MAGEA11: variants seen among roughly 807,000 people sequenced by gnomAD.
MAGEA11 encodes melanoma-associated antigen 11.
Under a neutral mutation model 8.4 loss-of-function variants are expected in MAGEA11, and 1 was observed. The observed-to-expected ratio is 0.12, with a 90% CI of 0.04 to 0.57. MAGEA11 has a LOEUF of 0.57. MAGEA11 is among the 20% of genes least tolerant of loss of function. The pLI, the probability that MAGEA11 is intolerant of heterozygous loss-of-function variation, is 0.91. For synonymous variants in MAGEA11, 127 were observed against 119.3 expected (o/e 1.06, Z -0.42); for missense variants, 209 against 317.3 (o/e 0.66, Z 2.59).
upstream of MAGEA11, among the ~76,000 whole-genome samples, chrX:149,711,252 A>G (rs1197027443): frequency 2.7e-5 from 3 of 112,787 alleles, no homozygotes; most frequent in African/African-American, 9.7e-5. Flanking sequence ...TAGGTTAAGT[A>G]TGATTTTTGA....
intron 1 of MAGEA11, among the ~76,000 whole-genome samples, chrX:149,705,745 G>A: frequency 8.9e-6 from 1 of 111,749 alleles, no homozygotes; most frequent in South Asian, 3.8e-4. Flanking sequence ...ATGGGCACAG[G>A]AAGGCCCCCA....
At chrX:149,703,948 C>G (rs1324838445) in intron 1 of MAGEA11, among the ~76,000 whole-genome samples, 1 of 112,112 alleles carries the variant, frequency 8.9e-6, no homozygotes, top group African/African-American at 3.2e-5. Context: ...ATAAAGGATA[C>G]TTGATGTATG....
upstream of MAGEA11, among the ~76,000 whole-genome samples, chrX:149,710,771 C>T (rs1053668467): frequency 1.8e-5 from 2 of 109,725 alleles, no homozygotes; most frequent in Non-Finnish European, 3.8e-5. Flanking sequence ...TGAACCACCG[C>T]GTTCAGTCTT....
chrX:149,704,718 C>T (rs7065028), intron 1 of MAGEA11, among the ~76,000 whole-genome samples: 2,492 of 112,073 alleles, frequency 0.022, 73 homozygotes, highest in African/African-American at 0.077. Flanking sequence ...TATCAGAAGT[C>T]CAGTCTTCCA....
upstream of MAGEA11, among the ~76,000 whole-genome samples, chrX:149,708,883 G>C (rs1370110852): frequency 9.1e-6 from 1 of 110,093 alleles, no homozygotes; most frequent in Non-Finnish European, 1.9e-5. Context: ...AGTATATTGG[G>C]TATATTATAC....
intron 1 of MAGEA11, among the ~76,000 whole-genome samples, chrX:149,701,283 T>C (rs782201000): frequency 0.042 from 4,380 of 104,807 alleles, 230 homozygotes; most frequent in African/African-American, 0.14. Context: ...TGGTATCTCA[T>C]TGTGGTTTTG....
At chrX:149,706,453 G>T (rs1199936956) in intron 1 of MAGEA11, among the ~76,000 whole-genome samples, 1 of 111,968 alleles carries the variant, frequency 8.9e-6, no homozygotes, top group South Asian at 3.8e-4. Flanking sequence ...TTTAATTAAT[G>T]TGTGGGCATT....
chrX:149,708,807 G>A (rs932032224), upstream of MAGEA11, among the ~76,000 whole-genome samples: 4 of 111,216 alleles, frequency 3.6e-5, no homozygotes, highest in Non-Finnish European at 5.7e-5. Flanking sequence ...TTGAGACGTG[G>A]GGTAGGTAGA....
At chrX:149,705,838 G>C (rs1019561070) in intron 1 of MAGEA11, among the ~76,000 whole-genome samples, 1 of 112,049 alleles carries the variant, frequency 8.9e-6, no homozygotes, top group African/African-American at 3.3e-5. Flanking sequence ...GGATATGCTA[G>C]ACCCTGGAAA....
chrX:149,704,266 A>C (rs1444444009), intron 1 of MAGEA11, among the ~76,000 whole-genome samples: 1 of 112,326 alleles, frequency 8.9e-6, no homozygotes, highest in Non-Finnish European at 1.9e-5. Flanking sequence ...AAGTTTCTGC[A>C]TTGAGAGCTC....
intron 1 of MAGEA11, among the ~76,000 whole-genome samples, chrX:149,703,088 C>G (rs782655951): frequency 1.8e-5 from 2 of 111,250 alleles, no homozygotes; most frequent in Admixed American, 1.9e-4. Context: ...AGAAAAGGGG[C>G]CTCAGCTTCC....
intron 1 of MAGEA11, among the ~76,000 whole-genome samples, chrX:149,702,403 A>G (rs923224592): frequency 3.6e-5 from 4 of 111,557 alleles, no homozygotes; most frequent in African/African-American, 9.8e-5. Flanking sequence ...AACTTTTATC[A>G]TCATTATAAA....
At chrX:149,695,340 C>A (rs782553652) in intron 1 of MAGEA11, among the ~76,000 whole-genome samples, 5 of 110,880 alleles carry the variant, frequency 4.5e-5, no homozygotes, top group African/African-American at 1.6e-4. Context: ...ATTTTTCCCT[C>A]CAATTTATAG....
At position 149,704,439 on chromosome X, in the gene MAGEA11, C is replaced by G. The variant is rs144301000; in HGVS notation, c.10-10042C>G. Among the ~76,000 whole-genome samples, 412 of 112,276 alleles carry G rather than the reference C, an allele frequency of 3.7e-3. 2 individuals carry two copies. Among genetic ancestry groups the G allele is most frequent in the African/African-American group, 0.013 (388 of 30,925 alleles). ...ACTATTTTCCTCCCCCTTTTTTTCACTCCTGCTTCATTCAGAAAATATTTG... is the reference window on the plus strand; with the variant it reads ...ACTATTTTCCTCCCCCTTTTTTTCAGTCCTGCTTCATTCAGAAAATATTTG... On this transcript the variant is annotated intron_variant, in intron 1 of 3. Transcript: ENST00000333104.
At position 149,715,589 on chromosome X, in the gene MAGEA11, CA is replaced by C. The variant is rs112095992; in HGVS notation, c.193-14del. 4.3e-6 allele frequency: 5 copies of C among 1,171,073 alleles called. No individual in the cohort carries two copies. In the African/African-American group the frequency reaches 7.1e-5, roughly 17 times the overall value. ...CCAGCTGCATCTTGAGCAGCCTTCTCACTTCCTTTTTCAGGTTTTTAGAGAA... is the reference window on the plus strand; with the variant it reads ...CCAGCTGCATCTTGAGCAGCCTTCTCCTTCCTTTTTCAGGTTTTTAGAGAA... On this transcript the variant is annotated splice_polypyrimidine_tract_variant and intron_variant, in intron 3 of 4. Coordinates refer to ENST00000355220, the MANE Select transcript of MAGEA11 (RefSeq NM_005366.5).
chrX:149,701,490 T>C (rs1471833286), intron 1 of MAGEA11, among the ~76,000 whole-genome samples: 2 of 109,011 alleles, frequency 1.8e-5, no homozygotes, highest in Admixed American at 9.8e-5. Flanking sequence ...GAGTAGGTTG[T>C]GAAAATTTTC....
intron 1 of MAGEA11, among the ~76,000 whole-genome samples, chrX:149,705,376 C>T (rs1025284977): frequency 2.7e-5 from 3 of 112,071 alleles, no homozygotes; most frequent in Non-Finnish European, 5.6e-5. Flanking sequence ...TGCACAAGCT[C>T]TCTTTGCCTG....
At chrX:149,708,331 T>C (rs980045098), upstream of MAGEA11, among the ~76,000 whole-genome samples, 8 of 112,083 alleles carry the variant, frequency 7.1e-5, no homozygotes, top group African/African-American at 2.3e-4. Flanking sequence ...TTGGGTACTA[T>C]GCTCACTACT....
chrX:149,700,268 T>C (rs996164499), intron 1 of MAGEA11, among the ~76,000 whole-genome samples: 1 of 112,537 alleles, frequency 8.9e-6, no homozygotes, highest in African/African-American at 3.2e-5. Context: ...ACAGTACATC[T>C]GGTCTCTGGA....
Sources: gnomAD v4.1 joint callset for allele counts (sites outside exome capture counted in the v4.1 genomes callset) on GRCh38, gnomAD v4.1.1 for gene constraint, MANE v1.5 for transcripts, NCBI Gene and HGNC (gene_info 2026-07-23, HGNC 2026-07-21) for gene names.